Variants in GRB14 observed in about 807,000 individuals in gnomAD.
GRB14 encodes the protein growth factor receptor-bound protein 14.
A neutral mutation model predicts 69.1 loss-of-function variants in GRB14; 38 were observed. That is an observed-to-expected ratio of 0.55 (90% CI 0.42 to 0.72). The LOEUF (loss-of-function observed/expected upper bound fraction) is 0.72, where lower values mean the gene tolerates loss of function less well. GRB14 is among the 30% of genes least tolerant of loss of function. The pLI is 0.00. For synonymous variants in GRB14, 247 were observed against 241.3 expected (o/e 1.02, Z -0.22); for missense variants, 666 against 666.1 (o/e 1.00, Z 0.00).
chr2:164,558,383 T>G (rs1363880217), intron 2 of GRB14, among the ~76,000 whole-genome samples: 2 of 152,074 alleles, frequency 1.3e-5, no homozygotes, highest in African/African-American at 2.4e-5. Flanking sequence ...AAAGCAAACA[T>G]TAACAACTAA....
At chr2:164,571,120 T>C (rs936338318) in intron 2 of GRB14, among the ~76,000 whole-genome samples, 7 of 152,242 alleles carry the variant, frequency 4.6e-5, no homozygotes, top group African/African-American at 1.7e-4. Flanking sequence ...CAGGTGCTCA[T>C]ATTGACTGTG....
intron 3 of GRB14, among the ~76,000 whole-genome samples, chr2:164,532,763 GC>G (rs1434682161): frequency 1.3e-5 from 2 of 152,156 alleles, no homozygotes; most frequent in African/African-American, 4.8e-5. Context: ...TATTTTTTAA[GC>G]CACCAAATTT....
At chr2:164,497,167 T>A (rs773345414) in intron 11 of GRB14, 44 bp downstream of exon 11, 3 of 1,597,768 alleles carry the variant, frequency 1.9e-6, no homozygotes, top group Middle Eastern at 1.7e-4. Context: ...GTCCTTTCCA[T>A]GTCTATCCGT....
At chr2:164,530,082 G>A (rs1206138414) in intron 3 of GRB14, among the ~76,000 whole-genome samples, 1 of 151,994 alleles carries the variant, frequency 6.6e-6, no homozygotes, top group Non-Finnish European at 1.5e-5. Context: ...ATTTTTTGTT[G>A]CTGTCAAGAA....
intron 7 of GRB14, 27 bp from the exon 8 acceptor site, chr2:164,508,577 C>T (rs768427592): frequency 6.3e-7 from 1 of 1,587,936 alleles, no homozygotes; most frequent in Non-Finnish European, 8.6e-7. Flanking sequence ...CATTGTTTAT[C>T]GTTAATGCAT....
intron 3 of GRB14, among the ~76,000 whole-genome samples, chr2:164,530,663 G>A (rs1687906917): frequency 6.6e-6 from 1 of 152,074 alleles, no homozygotes; most frequent in African/African-American, 2.4e-5. Flanking sequence ...TGAGAGAAAG[G>A]CTGGTATGTT....
intron 2 of GRB14, among the ~76,000 whole-genome samples, chr2:164,601,499 A>G (rs548872968): frequency 7.9e-5 from 12 of 152,216 alleles, no homozygotes; most frequent in African/African-American, 2.9e-4. Context: ...TCTACCTGTG[A>G]ATTTTGTGTT....
intron 8 of GRB14, 106 bp downstream of exon 8, chr2:164,508,349 C>T (rs1687244332): frequency 9.9e-6 from 8 of 805,552 alleles, no homozygotes; most frequent in Non-Finnish European, 1.6e-5. Context: ...TTTCTTCTTT[C>T]TCATGTAGCC....
chr2:164,523,315 C>T (rs2105284322), intron 5 of GRB14, among the ~76,000 whole-genome samples: 1 of 151,906 alleles, frequency 6.6e-6, no homozygotes, highest in South Asian at 2.1e-4. Flanking sequence ...AGACAGTGGG[C>T]ATGTGTTGGT....
intron 6 of GRB14, among the ~76,000 whole-genome samples, chr2:164,514,455 CAGG>C (rs1284937424): frequency 2.6e-5 from 4 of 152,114 alleles, no homozygotes; most frequent in Non-Finnish European, 5.9e-5. Context: ...GTCCAGATCA[CAGG>C]AGAAGGATTT....
chr2:164,525,476 G>T (rs183284825), intron 4 of GRB14, among the ~76,000 whole-genome samples: 2 of 152,174 alleles, frequency 1.3e-5, no homozygotes, highest in African/African-American at 4.8e-5. Context: ...TATGCCCAAG[G>T]TCATAGCCCA....
chr2:164,553,410 TA>T (rs1415477942), intron 2 of GRB14, among the ~76,000 whole-genome samples: 1 of 152,182 alleles, frequency 6.6e-6, no homozygotes, highest in Non-Finnish European at 1.5e-5. Flanking sequence ...TTAGAATGAA[TA>T]AAACCTGCTG....
intron 2 of GRB14, among the ~76,000 whole-genome samples, chr2:164,612,571 G>A (rs1048354339): frequency 6.6e-6 from 1 of 152,138 alleles, no homozygotes; most frequent in African/African-American, 2.4e-5. Context: ...CAATTCTCAG[G>A]TCTGCTTACC....
chr2:164,587,118 T>C (rs1370643238), intron 2 of GRB14, among the ~76,000 whole-genome samples: 2 of 152,162 alleles, frequency 1.3e-5, no homozygotes, highest in Non-Finnish European at 2.9e-5. Context: ...AACTGCACAG[T>C]TTCCAGAGAG....
At chr2:164,559,410 T>G (rs539295151) in intron 2 of GRB14, among the ~76,000 whole-genome samples, 1 of 152,310 alleles carries the variant, frequency 6.6e-6, no homozygotes, top group Admixed American at 6.5e-5. Context: ...CAGCATATAC[T>G]GCACCATTTG....
rs574382334 is a variant in GRB14 at position 164,601,996 on chromosome 2, T to C, written c.324+17691A>G. On this transcript the variant is annotated intron_variant, in intron 2 of 13. Coordinates refer to ENST00000263915, the MANE Select transcript of GRB14 (RefSeq NM_004490.3). ...CCGGTTCTGCTCCCTTCAGGCACACTGGTTATACCATGTAAGAGTAATGTA... is the reference window on the plus strand; with the variant it reads ...CCGGTTCTGCTCCCTTCAGGCACACCGGTTATACCATGTAAGAGTAATGTA... 5.9e-5 allele frequency among the ~76,000 whole-genome samples: 9 copies of C among 152,266 alleles called. No individual in the cohort carries two copies. In the East Asian group the frequency reaches 1.7e-3, roughly 29 times the overall value.
rs375177484 is a variant in GRB14 at position 164,563,606 on chromosome 2, C to A, written c.325-15790G>T. 7.9e-5 allele frequency among the ~76,000 whole-genome samples: 12 copies of A among 152,262 alleles called. No individual in the cohort carries two copies. The East Asian group carries it at 1.4e-3, about 17-fold the overall frequency. On this transcript the variant is annotated intron_variant, in intron 2 of 13. Coordinates refer to ENST00000263915, the MANE Select transcript of GRB14 (RefSeq NM_004490.3). ...TATCTTTCCATAAAAGGAAAAAGGA[C>A]CCACACTAGAGAAGAAATAATAGAA... is the stretch of plus-strand genomic sequence containing the variant.
intron 2 of GRB14, among the ~76,000 whole-genome samples, chr2:164,609,759 G>A (rs1249385655): frequency 3.9e-5 from 6 of 152,022 alleles, no homozygotes; most frequent in African/African-American, 1.2e-4. Context: ...TATCCCTCAA[G>A]GGTTATTATA....
At chr2:164,555,636 T>A (rs1688660053) in intron 2 of GRB14, among the ~76,000 whole-genome samples, 1 of 150,300 alleles carries the variant, frequency 6.7e-6, no homozygotes, top group African/African-American at 2.4e-5. Context: ...AAATATTATA[T>A]TTATTTTAAA....
Sources: allele counts gnomAD v4.1 joint callset (sites outside exome capture counted in the v4.1 genomes callset), GRCh38; gene constraint gnomAD v4.1.1; transcripts MANE v1.5; gene names NCBI Gene and HGNC (gene_info 2026-07-23, HGNC 2026-07-21).